EYS: variants seen among roughly 807,000 people sequenced by gnomAD.
EYS encodes the protein protein eyes shut homolog.
EYS carries 250 observed loss-of-function variants against 282.1 expected under a neutral mutation model. That is an observed-to-expected ratio of 0.89 (90% confidence interval 0.80 to 0.98). The LOEUF is 0.98. Among genes scored for constraint, EYS ranks in the 50% least tolerant of loss-of-function variants. The pLI is 0.00. For synonymous variants in EYS, 1,355 were observed against 1,282.9 expected (o/e 1.06, Z -1.20); for missense variants, 4,016 against 3,709.0 (o/e 1.08, Z -2.15).
At position 63,859,111 on chromosome 6, in the gene EYS, T is replaced by TTTTTTTTTTTTTTA. The variant is rs796999871; in HGVS notation, c.7228+5074_7228+5075insTAAAAAAAAAAAAA. Among the ~76,000 whole-genome samples, 24 of 71,204 alleles carry TTTTTTTTTTTTTTA rather than the reference T, an allele frequency of 3.4e-4. 7 individuals carry two copies. The highest frequency in any genetic ancestry group is 1.5e-3 in the African/African-American group (24 of 15,790). The allele number at this position is 71,204 out of a possible 152,430, so 46.7% of individuals were successfully genotyped here. A position where few individuals can be genotyped will look rare whatever the true frequency, so the allele number is the denominator to read the frequency against. ...TTTTTTTTTTTTTTTTTTTTTTTTT[T>TTTTTTTTTTTTTTA]AATAGCTGGGATGGAGATGCAGCCT... On this transcript the variant is annotated intron_variant, in intron 36 of 42. Transcript: ENST00000503581.
chr6:63,773,879 G>A (rs1282433864), intron 40 of EYS, among the ~76,000 whole-genome samples: 2 of 152,122 alleles, frequency 1.3e-5, no homozygotes, highest in Non-Finnish European at 2.9e-5. Flanking sequence ...AAAATGATAA[G>A]CACATTTTTG....
chr6:64,321,777 T>C (rs1770226950), intron 29 of EYS, among the ~76,000 whole-genome samples: 1 of 151,780 alleles, frequency 6.6e-6, no homozygotes, highest in Non-Finnish European at 1.5e-5. Context: ...TAAGAAAAAA[T>C]TGGATGGTAA....
intron 13 of EYS, among the ~76,000 whole-genome samples, chr6:65,016,866 T>TA (rs1384078218): frequency 6.6e-6 from 1 of 152,234 alleles, no homozygotes; most frequent in Non-Finnish European, 1.5e-5. Flanking sequence ...TCCTTTTTAC[T>TA]AAACAGAAGA....
At chr6:64,728,207 C>T (rs986292243) in intron 22 of EYS, among the ~76,000 whole-genome samples, 1 of 151,984 alleles carries the variant, frequency 6.6e-6, no homozygotes, top group Non-Finnish European at 1.5e-5. Flanking sequence ...TACCCATGAC[C>T]CCTGAAGCCC....
At chr6:64,528,519 C>T (rs1777996810) in intron 26 of EYS, among the ~76,000 whole-genome samples, 1 of 152,032 alleles carries the variant, frequency 6.6e-6, no homozygotes, top group South Asian at 2.1e-4. Flanking sequence ...CATTATTTCT[C>T]TCCTGGAATG....
At chr6:63,913,088 C>A (rs1201956378) in intron 35 of EYS, among the ~76,000 whole-genome samples, 4 of 152,050 alleles carry the variant, frequency 2.6e-5, no homozygotes, top group African/African-American at 9.7e-5. Context: ...GACAACTTGC[C>A]AGATAGCTTT....
rs975190718 is a variant in EYS at position 63,807,206 on chromosome 6, A to C, written c.7229-834T>G. Among the ~76,000 whole-genome samples the C allele has an allele frequency of 8.3e-4, 127 of 152,176 alleles. 1 individual carries two copies. The highest frequency in any genetic ancestry group is 2.8e-3 in the African/African-American group (118 of 41,530). ...CAGAAAATAGAAAGGGGATTTTGAC[A>C]CCCCATTCCTGTCTTTTATGGATGA... On this transcript the variant is annotated intron_variant, in intron 36 of 42. Transcript: ENST00000503581.
intron 14 of EYS, among the ~76,000 whole-genome samples, chr6:64,955,146 C>T (rs1769652953): frequency 1.3e-5 from 2 of 152,066 alleles, no homozygotes; most frequent in East Asian, 3.9e-4. Flanking sequence ...TGTCACTGCA[C>T]TCCAGTCCAG....
chr6:64,026,410 A>T (rs1224827408), intron 33 of EYS, among the ~76,000 whole-genome samples: 2 of 152,160 alleles, frequency 1.3e-5, no homozygotes, highest in Non-Finnish European at 2.9e-5. Context: ...ATCCTAAGCC[A>T]TTGGGACCAA....
chr6:64,667,399 A>T (rs1769271142), intron 22 of EYS, among the ~76,000 whole-genome samples: 1 of 151,914 alleles, frequency 6.6e-6, no homozygotes, highest in African/African-American at 2.4e-5. Flanking sequence ...GCCTCCTTGC[A>T]GCTTTGGACA....
At chr6:65,002,917 GC>G (rs1377756525) in intron 13 of EYS, among the ~76,000 whole-genome samples, 2 of 128,598 alleles carry the variant, frequency 1.6e-5, no homozygotes, top group African/African-American at 6.1e-5. Context: ...GATTTCCTAT[GC>G]CTGTCTTTAC....
chr6:64,751,312 C>T (rs571795131), intron 22 of EYS, among the ~76,000 whole-genome samples: 4 of 152,334 alleles, frequency 2.6e-5, no homozygotes, highest in African/African-American at 9.6e-5. Flanking sequence ...TTAGATATCT[C>T]TCCAGGCATT....
chr6:64,648,466 G>T (rs1425776547), intron 22 of EYS, among the ~76,000 whole-genome samples: 1 of 152,104 alleles, frequency 6.6e-6, no homozygotes, highest in Non-Finnish European at 1.5e-5. Context: ...TAACTTCTTG[G>T]TAAGAGAAAT....
At chr6:64,505,175 C>A (rs1423173216) in intron 26 of EYS, among the ~76,000 whole-genome samples, 2 of 152,170 alleles carry the variant, frequency 1.3e-5, no homozygotes, top group Non-Finnish European at 2.9e-5. Context: ...ATTGATTCCT[C>A]TTTTGGATAT....
intron 26 of EYS, among the ~76,000 whole-genome samples, chr6:64,583,160 T>C (rs892838419): frequency 6.6e-5 from 10 of 152,154 alleles, no homozygotes; most frequent in African/African-American, 2.4e-4. Context: ...GTTGGAAGTG[T>C]CTACATCTTA....
intron 12 of EYS, among the ~76,000 whole-genome samples, chr6:65,264,695 C>T (rs1279845771): frequency 6.6e-6 from 1 of 151,892 alleles, no homozygotes; most frequent in African/African-American, 2.4e-5. Flanking sequence ...TCTTGTCTCA[C>T]ATATAATGAA....
intron 15 of EYS, among the ~76,000 whole-genome samples, chr6:64,942,837 A>AC (rs1554220166): frequency 6.0e-5 from 9 of 150,016 alleles, no homozygotes; most frequent in East Asian, 1.9e-4. Context: ...CAAAAAAAAA[A>AC]AAAAAACAAA....
intron 12 of EYS, among the ~76,000 whole-genome samples, chr6:65,091,537 G>T (rs994376970): frequency 6.6e-6 from 1 of 151,790 alleles, no homozygotes; most frequent in African/African-American, 2.4e-5. Flanking sequence ...ATTTTGTTAC[G>T]ATTAAAAATA....
At chr6:64,373,323 T>C (rs1431414802) in intron 29 of EYS, among the ~76,000 whole-genome samples, 2 of 152,148 alleles carry the variant, frequency 1.3e-5, no homozygotes, top group East Asian at 3.9e-4. Context: ...CACTCCTGGG[T>C]CTTGGAGGAG....
Sources: gnomAD v4.1 joint callset for allele counts (sites outside exome capture counted in the v4.1 genomes callset) on GRCh38, gnomAD v4.1.1 for gene constraint, MANE v1.5 for transcripts, NCBI Gene and HGNC (gene_info 2026-07-23, HGNC 2026-07-21) for gene names.